Variants in NKAIN2 observed in about 807,000 individuals in gnomAD.
The protein encoded by NKAIN2 is sodium/potassium transporting ATPase interacting 2.
NKAIN2 carries 14 observed loss-of-function variants against 32.6 expected under a neutral mutation model. The ratio of observed to expected loss-of-function variants is 0.43; its 90% confidence interval spans 0.28 to 0.67. The LOEUF (loss-of-function observed/expected upper bound fraction) is 0.67. NKAIN2 is among the 30% of genes least tolerant of loss of function. NKAIN2 has a pLI of 0.17. For synonymous variants in NKAIN2, 80 were observed against 87.2 expected (o/e 0.92, Z 0.46); for missense variants, 198 against 258.3 (o/e 0.77, Z 1.60).
chr6:124,324,429 T>C (rs1797334232), intron 2 of NKAIN2, among the ~76,000 whole-genome samples: 1 of 152,212 alleles, frequency 6.6e-6, no homozygotes, highest in African/African-American at 2.4e-5. Context: ...GAATAAAATA[T>C]AATGATGTCA....
chr6:123,951,101 A>C (rs1240611086), intron 1 of NKAIN2, among the ~76,000 whole-genome samples: 1 of 151,712 alleles, frequency 6.6e-6, no homozygotes, highest in Non-Finnish European at 1.5e-5. Flanking sequence ...TTCTAGTTTT[A>C]TTTTATTGTG....
intron 4 of NKAIN2, among the ~76,000 whole-genome samples, chr6:124,739,014 G>A (rs1382622347): frequency 9.9e-5 from 15 of 151,660 alleles, no homozygotes; most frequent in Admixed American, 9.9e-4. Context: ...TTCTCTTAAA[G>A]TTTTATTTAT....
chr6:124,533,595 T>C (rs1779610307), intron 3 of NKAIN2, among the ~76,000 whole-genome samples: 1 of 152,030 alleles, frequency 6.6e-6, no homozygotes, highest in East Asian at 1.9e-4. Context: ...TCTCAGGATC[T>C]TTATCTGCAA....
At chr6:124,639,789 A>G (rs1242336896) in intron 3 of NKAIN2, among the ~76,000 whole-genome samples, 1 of 152,166 alleles carries the variant, frequency 6.6e-6, no homozygotes, top group Non-Finnish European at 1.5e-5. Context: ...TTGATCTCAT[A>G]GAAGTGGAGA....
intron 1 of NKAIN2, among the ~76,000 whole-genome samples, chr6:124,050,937 T>C (rs1022635394): frequency 6.6e-6 from 1 of 152,090 alleles, no homozygotes; most frequent in Non-Finnish European, 1.5e-5. Context: ...TCTTTATTCC[T>C]TTTGTTTTTC....
At chr6:124,219,934 T>C (rs547742410) in intron 1 of NKAIN2, among the ~76,000 whole-genome samples, 4 of 152,132 alleles carry the variant, frequency 2.6e-5, no homozygotes, top group African/African-American at 9.6e-5. Flanking sequence ...TGCAAAAAAA[T>C]ACTATATGCT....
intron 1 of NKAIN2, among the ~76,000 whole-genome samples, chr6:123,807,180 G>A (rs1205504250): frequency 2.6e-5 from 4 of 151,976 alleles, no homozygotes; most frequent in African/African-American, 7.2e-5. Flanking sequence ...CAGGAGATCC[G>A]TTTATAAAAC....
At chr6:124,585,791 T>C (rs1487447723) in intron 3 of NKAIN2, among the ~76,000 whole-genome samples, 1 of 152,192 alleles carries the variant, frequency 6.6e-6, no homozygotes, top group African/African-American at 2.4e-5. Context: ...ATAATTTACA[T>C]ACAGCAAAAT....
At chr6:124,243,051 A>C (rs1394514194) in intron 1 of NKAIN2, among the ~76,000 whole-genome samples, 2 of 151,314 alleles carry the variant, frequency 1.3e-5, no homozygotes, top group African/African-American at 2.4e-5. Context: ...AAAAAAAAAA[A>C]CCCAAGGGCG....
intron 3 of NKAIN2, among the ~76,000 whole-genome samples, chr6:124,524,805 C>T (rs576956314): frequency 1.3e-5 from 2 of 152,210 alleles, no homozygotes; most frequent in South Asian, 4.2e-4. Context: ...AATCAATATG[C>T]TTTTTTCACA....
At chr6:123,991,513 A>G (rs4895382) in intron 1 of NKAIN2, among the ~76,000 whole-genome samples, 5,246 of 152,226 alleles carry the variant, frequency 0.034, 214 homozygotes, top group Admixed American at 0.11. Context: ...TGTGCCATGT[A>G]ATACTTAGCA....
intron 1 of NKAIN2, among the ~76,000 whole-genome samples, chr6:124,150,120 G>A (rs1048667950): frequency 1.3e-5 from 2 of 152,016 alleles, no homozygotes; most frequent in African/African-American, 2.4e-5. Flanking sequence ...TCTCCCCCCT[G>A]GGCTCTGCAG....
chr6:124,301,053 C>G (rs1014444924), intron 2 of NKAIN2, among the ~76,000 whole-genome samples: 1 of 152,198 alleles, frequency 6.6e-6, no homozygotes, highest in East Asian at 1.9e-4. Context: ...GCAGCAGCCC[C>G]TCCCATCACA....
Position 124,367,546 on chromosome 6 carries a change from A to G in NKAIN2, c.273+12199A>G, listed in dbSNP as rs1319623084. ...AGGGCTCTTTAAAACTAACCATTAT[A>G]TAAATCACTTTGATATCTTTTTAAT... On this transcript the variant is annotated intron_variant, in intron 3 of 6. Coordinates refer to ENST00000368417, the MANE Select transcript of NKAIN2 (RefSeq NM_001040214.3). 2.0e-5 allele frequency among the ~76,000 whole-genome samples: 3 copies of G among 152,314 alleles called. No individual in the cohort carries two copies. In the East Asian group the frequency reaches 5.8e-4, roughly 29 times the overall value.
chr6:124,140,909 A>G (rs1189136659), intron 1 of NKAIN2, among the ~76,000 whole-genome samples: 2 of 152,158 alleles, frequency 1.3e-5, no homozygotes, highest in Non-Finnish European at 2.9e-5. Context: ...TACAAACCAG[A>G]CTCAAAAATA....
At chr6:124,617,835 A>G (rs1583528563) in intron 3 of NKAIN2, among the ~76,000 whole-genome samples, 1 of 152,192 alleles carries the variant, frequency 6.6e-6, no homozygotes, top group East Asian at 1.9e-4. Flanking sequence ...GTTTGATAAA[A>G]TATTATTTTT....
At chr6:123,971,423 T>A (rs1035607928) in intron 1 of NKAIN2, among the ~76,000 whole-genome samples, 1 of 152,172 alleles carries the variant, frequency 6.6e-6, no homozygotes, top group African/African-American at 2.4e-5. Flanking sequence ...TTGTTCTTTC[T>A]TTTTGCACAC....
At chr6:124,563,555 A>G (rs1368059389) in intron 3 of NKAIN2, among the ~76,000 whole-genome samples, 3 of 152,214 alleles carry the variant, frequency 2.0e-5, no homozygotes, top group East Asian at 3.9e-4. Context: ...GTCTTTCACA[A>G]TTAAATGCAA....
chr6:124,083,821 C>T (rs1009059982), intron 1 of NKAIN2, among the ~76,000 whole-genome samples: 1 of 151,918 alleles, frequency 6.6e-6, no homozygotes, highest in African/African-American at 2.4e-5. Flanking sequence ...CATTTGTGTA[C>T]TGGCCTTTTT....
Sources: gnomAD v4.1 joint callset for allele counts (sites outside exome capture counted in the v4.1 genomes callset) on GRCh38, gnomAD v4.1.1 for gene constraint, MANE v1.5 for transcripts, NCBI Gene and HGNC (gene_info 2026-07-23, HGNC 2026-07-21) for gene names.